DTD1: variants seen among roughly 807,000 people sequenced by gnomAD.
The protein encoded by DTD1 is D-aminoacyl-tRNA deacylase 1.
DTD1 carries 13 observed loss-of-function variants against 25.6 expected under a neutral mutation model. That is an observed-to-expected ratio of 0.51 (90% CI 0.33 to 0.81). DTD1 has a LOEUF of 0.81. Among genes scored for constraint, DTD1 ranks in the 30% least tolerant of loss-of-function variants. The pLI, the probability that DTD1 is intolerant of heterozygous loss-of-function variation, is 0.02. For missense variants in DTD1, 193 were observed against 266.4 expected (o/e 0.72, Z 1.92); for synonymous variants, 110 against 103.6 (o/e 1.06, Z -0.37).
chr20:18,716,004 T>C (rs1444133428), intron 4 of DTD1, among the ~76,000 whole-genome samples: 3 of 152,182 alleles, frequency 2.0e-5, no homozygotes, highest in African/African-American at 7.2e-5. Flanking sequence ...TACTGTACTG[T>C]TGAGTTTGTG....
At chr20:18,648,772 G>A (rs978650289) in intron 4 of DTD1, among the ~76,000 whole-genome samples, 2 of 151,664 alleles carry the variant, frequency 1.3e-5, no homozygotes. Context: ...CGAGGTGGGC[G>A]GATCACGAGG....
intron 4 of DTD1, among the ~76,000 whole-genome samples, chr20:18,662,399 G>GTGTGAGCCA (rs1341249607): frequency 6.6e-6 from 1 of 152,148 alleles, no homozygotes; most frequent in Non-Finnish European, 1.5e-5. Flanking sequence ...GGAATTACAG[G>GTGTGAGCCA]TGTGAGCCAC....
intron 4 of DTD1, among the ~76,000 whole-genome samples, chr20:18,645,921 TG>T (rs1237433252): frequency 6.6e-6 from 1 of 152,232 alleles, no homozygotes; most frequent in Non-Finnish European, 1.5e-5. Context: ...TTTAAGATTC[TG>T]GGCATAGTGT....
chr20:18,599,267 C>T (rs1036057878), intron 3 of DTD1, among the ~76,000 whole-genome samples: 9 of 151,334 alleles, frequency 5.9e-5, no homozygotes, highest in African/African-American at 1.2e-4. Context: ...CTCTGACTCA[C>T]GGGTTCAAGC....
At chr20:18,589,321 A>G (rs1444342439) in intron 1 of DTD1, among the ~76,000 whole-genome samples, 1 of 152,212 alleles carries the variant, frequency 6.6e-6, no homozygotes, top group Non-Finnish European at 1.5e-5. Context: ...AGTAACCTCC[A>G]GCCTGGGCGA....
chr20:18,666,919 C>T (rs1038389198), intron 4 of DTD1, among the ~76,000 whole-genome samples: 1 of 152,068 alleles, frequency 6.6e-6, no homozygotes, highest in Non-Finnish European at 1.5e-5. Context: ...GGATTTGTAC[C>T]GAATTTCTAA....
At chr20:18,707,771 A>C (rs944286193) in intron 4 of DTD1, among the ~76,000 whole-genome samples, 3 of 151,834 alleles carry the variant, frequency 2.0e-5, no homozygotes, top group South Asian at 2.1e-4. Flanking sequence ...ACACACACAC[A>C]CTCACACACT....
intron 4 of DTD1, among the ~76,000 whole-genome samples, chr20:18,724,937 T>C (rs1242846893): frequency 6.6e-6 from 1 of 152,214 alleles, no homozygotes; most frequent in African/African-American, 2.4e-5. Context: ...GTGGTGGAAT[T>C]GATGCAGGGC....
intron 3 of DTD1, 38 bp downstream of exon 3, chr20:18,596,279 G>A (rs1387162374): frequency 6.4e-7 from 1 of 1,555,888 alleles, no homozygotes; most frequent in East Asian, 2.3e-5. Context: ...GGGTCTTTGG[G>A]ACACTCCTGG....
chr20:18,739,135 T>C (rs1392439197), intron 4 of DTD1, among the ~76,000 whole-genome samples: 1 of 152,188 alleles, frequency 6.6e-6, no homozygotes, highest in East Asian at 1.9e-4. Flanking sequence ...CCCTGCCATA[T>C]TGTCTTACTC....
At chr20:18,629,912 C>G (rs547562202) in intron 4 of DTD1, among the ~76,000 whole-genome samples, 1 of 152,026 alleles carries the variant, frequency 6.6e-6, no homozygotes, top group African/African-American at 2.4e-5. Context: ...GTCACGAGAA[C>G]AGCAAGGGGG....
In DTD1 at chr20:18,623,186, G is replaced by A. The variant is rs140306965; in HGVS notation, c.371-4941G>A. Among the ~76,000 whole-genome samples, 1,222 of 151,992 alleles carry A rather than the reference G, an allele frequency of 8.0e-3. 8 individuals are homozygous for A. The highest frequency in any genetic ancestry group is 0.014 in the Middle Eastern group (4 of 294). On this transcript the variant is annotated intron_variant, in intron 3 of 5. Coordinates refer to ENST00000377452, the MANE Select transcript of DTD1 (RefSeq NM_080820.6). ...GATCTCCCGACCTCGTGATCCGCCC[G>A]CCTCAGCCTCTCAAAGTGCTGGGAT...
intron 4 of DTD1, among the ~76,000 whole-genome samples, chr20:18,681,572 G>T (rs967683636): frequency 3.3e-5 from 5 of 152,152 alleles, no homozygotes; most frequent in Non-Finnish European, 5.9e-5. Flanking sequence ...ATTAGAATGG[G>T]CTTTTTGTCA....
At chr20:18,589,501 T>C (rs2060580643) in intron 1 of DTD1, among the ~76,000 whole-genome samples, 1 of 152,214 alleles carries the variant, frequency 6.6e-6, no homozygotes. Context: ...TCTAAGCTGT[T>C]CTGGTAGCTT....
At chr20:18,670,962 T>C (rs1212138185) in intron 4 of DTD1, among the ~76,000 whole-genome samples, 1 of 152,206 alleles carries the variant, frequency 6.6e-6, no homozygotes, top group African/African-American at 2.4e-5. Context: ...GATTCTTGGG[T>C]GTGCTGGCCA....
chr20:18,717,812 CT>C lies in DTD1; in HGVS notation c.478-26286del, dbSNP rs557268237. Among the ~76,000 whole-genome samples the C allele has an allele frequency of 5.3e-5, 8 of 152,302 alleles. No homozygotes were observed. The East Asian group carries it at 1.5e-3, about 29-fold the overall frequency. ...TTAAGCTAAATGTGATCAGCTAGAA[CT>C]TCTCATTAACCAGCCATTGCATGTT... On this transcript the variant is annotated intron_variant, in intron 4 of 5. Transcript: ENST00000377452.
intron 5 of DTD1, among the ~76,000 whole-genome samples, chr20:18,759,768 G>C (rs1191699210): frequency 3.9e-5 from 6 of 152,152 alleles, no homozygotes; most frequent in South Asian, 2.1e-4. Context: ...TTTCCTGAAT[G>C]TGAATGTTGG....
intron 4 of DTD1, among the ~76,000 whole-genome samples, chr20:18,645,452 A>G (rs2060846793): frequency 6.6e-6 from 1 of 152,238 alleles, no homozygotes; most frequent in Non-Finnish European, 1.5e-5. Context: ...AAAATGAGAT[A>G]GACTTAGATA....
chr20:18,763,154 G>C (rs1474402163), intron 5 of DTD1, among the ~76,000 whole-genome samples: 1 of 152,266 alleles, frequency 6.6e-6, no homozygotes, highest in Non-Finnish European at 1.5e-5. Context: ...TAATGAACTG[G>C]AGACTCTTTG....
Sources: allele counts gnomAD v4.1 joint callset (sites outside exome capture counted in the v4.1 genomes callset), GRCh38; gene constraint gnomAD v4.1.1; transcripts MANE v1.5; gene names NCBI Gene and HGNC (gene_info 2026-07-23, HGNC 2026-07-21).